Variants in OPCML observed in about 807,000 individuals in gnomAD.
OPCML encodes opioid-binding protein/cell adhesion molecule.
OPCML carries 13 observed loss-of-function variants against 37.8 expected under a neutral mutation model. The observed-to-expected ratio is 0.34, with a 90% CI of 0.22 to 0.55. OPCML has a LOEUF of 0.55. Ranked by LOEUF, OPCML falls within the 20% of genes least tolerant of loss-of-function variation. The pLI is 0.91. For synonymous variants in OPCML, 176 were observed against 168.8 expected, an observed-to-expected ratio of 1.04 and a Z score of -0.33; for missense variants, 341 against 435.6, an observed-to-expected ratio of 0.78 and a Z score of 1.93.
chr11:133,163,234 A>G (rs183092937), intron 1 of OPCML, among the ~76,000 whole-genome samples: 113 of 152,360 alleles, frequency 7.4e-4, no homozygotes, highest in Admixed American at 1.2e-3. Flanking sequence ...ATTTGGGGGC[A>G]GCATGTTACA....
At chr11:133,055,917 A>G (rs1345399948) in intron 1 of OPCML, among the ~76,000 whole-genome samples, 1 of 149,126 alleles carries the variant, frequency 6.7e-6, no homozygotes, top group Non-Finnish European at 1.5e-5. Flanking sequence ...CTACTGTACA[A>G]TGCTGCCTCC....
At chr11:133,278,673 A>G (rs776130414) in intron 1 of OPCML, among the ~76,000 whole-genome samples, 6 of 152,190 alleles carry the variant, frequency 3.9e-5, no homozygotes, top group Non-Finnish European at 5.9e-5. Flanking sequence ...AATTTTAGCT[A>G]AAGATTCAAG....
chr11:133,384,247 C>CAAAAAAAAAAAAAAAAAAAGAA (rs1186998875), intron 1 of OPCML, among the ~76,000 whole-genome samples: 1 of 71,248 alleles, frequency 1.4e-5, no homozygotes, highest in African/African-American at 4.6e-5. Context: ...GGCCACTGTG[C>CAAAAAAAAAAAAAAAAAAAGAA]AAAAAAAAAA....
At chr11:132,656,074 T>A (rs1044658398) in intron 3 of OPCML, among the ~76,000 whole-genome samples, 3 of 152,116 alleles carry the variant, frequency 2.0e-5, no homozygotes, top group Non-Finnish European at 4.4e-5. Flanking sequence ...CAAACGAGGC[T>A]CTGAAAGAAG....
intron 4 of OPCML, among the ~76,000 whole-genome samples, chr11:132,445,447 G>A (rs942121970): frequency 9.9e-5 from 15 of 152,150 alleles, no homozygotes; most frequent in East Asian, 3.9e-4. Flanking sequence ...ACTCTTTACC[G>A]GGAAAAGTTA....
chr11:133,086,438 A>G (rs902767305), intron 1 of OPCML, among the ~76,000 whole-genome samples: 1 of 152,186 alleles, frequency 6.6e-6, no homozygotes, highest in Non-Finnish European at 1.5e-5. Context: ...AGATAAGTTC[A>G]ATTTCTAGTT....
At chr11:132,924,124 A>T (rs1944907220) in intron 2 of OPCML, among the ~76,000 whole-genome samples, 1 of 86,000 alleles carries the variant, frequency 1.2e-5, no homozygotes, top group African/African-American at 5.5e-5. Context: ...AGGAAAAAAA[A>T]CTATGTGTGT....
At chr11:133,431,640 T>C (rs1042893273) in intron 1 of OPCML, among the ~76,000 whole-genome samples, 1 of 151,906 alleles carries the variant, frequency 6.6e-6, no homozygotes, top group South Asian at 2.1e-4. Flanking sequence ...TAATTTTGTA[T>C]TTTTAGTAGA....
chr11:133,176,349 T>TTTTTC (rs1394956356), intron 1 of OPCML, among the ~76,000 whole-genome samples: 3 of 151,650 alleles, frequency 2.0e-5, no homozygotes, highest in Admixed American at 6.6e-5. Context: ...TTTTTTTTTT[T>TTTTTC]TTTCATTTGT....
intron 1 of OPCML, among the ~76,000 whole-genome samples, chr11:132,969,531 C>T (rs1024062765): frequency 6.6e-6 from 1 of 152,234 alleles, no homozygotes; most frequent in South Asian, 2.1e-4. Context: ...TTCTGGGACC[C>T]CCCCTGCAAC....
chr11:132,615,755 G>C (rs192542654), intron 3 of OPCML, among the ~76,000 whole-genome samples: 1 of 152,016 alleles, frequency 6.6e-6, no homozygotes, highest in Non-Finnish European at 1.5e-5. Context: ...TAATACATGC[G>C]AACTACTTAG....
chr11:133,427,643 T>C (rs1423567557), intron 1 of OPCML, among the ~76,000 whole-genome samples: 1 of 151,416 alleles, frequency 6.6e-6, no homozygotes, highest in Non-Finnish European at 1.5e-5. Flanking sequence ...CATAAGAAAA[T>C]GCTACATACA....
chr11:132,703,129 T>C (rs1943896233), intron 2 of OPCML, among the ~76,000 whole-genome samples: 1 of 152,076 alleles, frequency 6.6e-6, no homozygotes, highest in Admixed American at 6.6e-5. Flanking sequence ...TGTTGTTAGG[T>C]GATTTTGTTG....
rs537084699 is a variant in OPCML, at chr11:132,865,992, C to A, written c.146+76934G>T. On this transcript the variant is annotated intron_variant, in intron 2 of 7. Transcript: ENST00000524381. The stretch of plus-strand genomic sequence containing the variant: ...GCTGACACTTTGTCATATTTCACTT[C>A]ATCTGTGACTCTTAGAAATTTCATC... 2.6e-5 allele frequency among the ~76,000 whole-genome samples: 4 copies of A among 152,054 alleles called. No homozygotes were observed. The South Asian group carries it at 8.3e-4, about 32-fold the overall frequency.
chr11:133,043,795 G>A (rs917108799), intron 1 of OPCML, among the ~76,000 whole-genome samples: 5 of 152,216 alleles, frequency 3.3e-5, no homozygotes, highest in Admixed American at 3.3e-4. Flanking sequence ...ATCGTTCATA[G>A]CAGATAGATC....
At chr11:133,525,231 G>A (rs745551336) in intron 1 of OPCML, among the ~76,000 whole-genome samples, 4 of 152,214 alleles carry the variant, frequency 2.6e-5, no homozygotes, top group Non-Finnish European at 5.9e-5. Context: ...TGGGAAAGCA[G>A]CATTTAAGCT....
intron 1 of OPCML, among the ~76,000 whole-genome samples, chr11:133,425,744 G>A (rs1945989598): frequency 6.6e-6 from 1 of 152,020 alleles, no homozygotes; most frequent in Non-Finnish European, 1.5e-5. Context: ...TTCTTAAAGT[G>A]CTTATTATAA....
chr11:132,432,360 C>A (rs1347799444), intron 7 of OPCML, among the ~76,000 whole-genome samples: 3 of 152,144 alleles, frequency 2.0e-5, no homozygotes, highest in Non-Finnish European at 4.4e-5. Flanking sequence ...GCAGGTCAAC[C>A]AGACACTATC....
intron 2 of OPCML, among the ~76,000 whole-genome samples, chr11:132,727,614 A>T (rs1184032000): frequency 3.3e-5 from 5 of 152,184 alleles, no homozygotes; most frequent in African/African-American, 1.2e-4. Flanking sequence ...CTTTAAAAAC[A>T]TACTGACATC....
Sources: gnomAD v4.1 joint callset for allele counts (sites outside exome capture counted in the v4.1 genomes callset) on GRCh38, gnomAD v4.1.1 for gene constraint, MANE v1.5 for transcripts, NCBI Gene and HGNC (gene_info 2026-07-23, HGNC 2026-07-21) for gene names.